TENM3: variants seen among roughly 807,000 people sequenced by gnomAD.
TENM3 encodes the protein teneurin transmembrane protein 3.
Under a neutral mutation model 255.1 loss-of-function variants are expected in TENM3, and 63 were observed. The ratio of observed to expected loss-of-function variants is 0.25; its 90% CI spans 0.20 to 0.30. TENM3 has a LOEUF of 0.30. Ranked by LOEUF, TENM3 falls within the 10% of genes least tolerant of loss-of-function variation. The pLI is 1.00. For missense variants in TENM3, 2,929 were observed against 3,461.1 expected (o/e 0.85, Z 3.86); for synonymous variants, 1,306 against 1,322.3 (o/e 0.99, Z 0.27).
the TENM3 span, among the ~76,000 whole-genome samples, chr4:181,625,761 C>T: frequency 6.6e-6 from 1 of 151,850 alleles, no homozygotes; most frequent in East Asian, 1.9e-4. Context: ...TTGCAGTGAG[C>T]CGAGATGGTG....
At chr4:181,690,795 G>A in the TENM3 span, among the ~76,000 whole-genome samples, 10 of 152,212 alleles carry the variant, frequency 6.6e-5, no homozygotes, top group South Asian at 4.2e-4. Context: ...GACAGTTATA[G>A]GTATAAATGA....
At chr4:181,914,859 C>T in the TENM3 span, among the ~76,000 whole-genome samples, 5 of 152,186 alleles carry the variant, frequency 3.3e-5, no homozygotes, top group African/African-American at 1.2e-4. Context: ...AGTGAATTGA[C>T]AGTCATTGAG....
In TENM3 at chr4:182,275,088, G is replaced by A. The variant is rs141308471; in HGVS notation, c.-76+31612G>A. On this transcript the variant is annotated intron_variant, in intron 1 of 27. Transcript: ENST00000511685. ...GATCCACCTGTCTTGGCCTCCCAGC[G>A]TGCTGGGATTATAGGCTTGAGCCAC... 8.5e-5 allele frequency among the ~76,000 whole-genome samples: 13 copies of A among 152,256 alleles called. No individual in the cohort carries two copies. In the East Asian group the frequency reaches 1.2e-3, roughly 14 times the overall value.
intron 1 of TENM3, among the ~76,000 whole-genome samples, chr4:182,285,870 GC>G (rs1215791251): frequency 1.3e-5 from 2 of 152,026 alleles, no homozygotes; most frequent in African/African-American, 4.8e-5. Flanking sequence ...AAAAAAATAA[GC>G]CTTTAAACAA....
the TENM3 span, among the ~76,000 whole-genome samples, chr4:182,021,935 G>A: frequency 6.6e-6 from 1 of 152,120 alleles, no homozygotes. Context: ...CTTATACATT[G>A]TTAGTGGAAA....
At chr4:181,879,319 G>A in the TENM3 span, among the ~76,000 whole-genome samples, 1 of 152,060 alleles carries the variant, frequency 6.6e-6, no homozygotes, top group Non-Finnish European at 1.5e-5. Context: ...AGGGAGGAAG[G>A]AAGGAAGATG....
At chr4:182,220,402 A>AAAAAAG (rs1755781578) in intron 1 of TENM3, among the ~76,000 whole-genome samples, 1 of 146,432 alleles carries the variant, frequency 6.8e-6, no homozygotes, top group Non-Finnish European at 1.5e-5. Context: ...AAAAAAAAAA[A>AAAAAAG]GTCGGCTTGA....
chr4:182,525,289 A>G (rs1327872194), intron 3 of TENM3, among the ~76,000 whole-genome samples: 1 of 152,240 alleles, frequency 6.6e-6, no homozygotes, highest in Admixed American at 6.5e-5. Flanking sequence ...TAAAAATTAA[A>G]AACAAAAACA....
chr4:182,250,851 TGA>T (rs1757965223), intron 1 of TENM3, among the ~76,000 whole-genome samples: 1 of 152,262 alleles, frequency 6.6e-6, no homozygotes, highest in African/African-American at 2.4e-5. Flanking sequence ...AATGGTGAAT[TGA>T]TAAGGTCTCC....
the TENM3 span, among the ~76,000 whole-genome samples, chr4:181,702,474 A>G: frequency 1.4e-4 from 21 of 152,226 alleles, no homozygotes; most frequent in African/African-American, 4.3e-4. Context: ...AAACAAAAGC[A>G]TGGTACTTAG....
At chr4:182,419,629 A>AG (rs1770655704) in intron 3 of TENM3, among the ~76,000 whole-genome samples, 1 of 152,230 alleles carries the variant, frequency 6.6e-6, no homozygotes, top group South Asian at 2.1e-4. Flanking sequence ...CCAAATGTCT[A>AG]TCAATGATAG....
chr4:182,434,594 C>A (rs756120063), intron 3 of TENM3, among the ~76,000 whole-genome samples: 6 of 150,172 alleles, frequency 4.0e-5, no homozygotes, highest in Non-Finnish European at 8.8e-5. Context: ...ACCCAGGAGG[C>A]AGAAGTTGCA....
At chr4:182,062,500 G>T in the TENM3 span, among the ~76,000 whole-genome samples, 2 of 152,074 alleles carry the variant, frequency 1.3e-5, no homozygotes, top group Non-Finnish European at 2.9e-5. Context: ...ATCTATGCAT[G>T]GTATTACTTT....
At chr4:182,282,779 G>T (rs1760470305) in intron 1 of TENM3, among the ~76,000 whole-genome samples, 1 of 151,410 alleles carries the variant, frequency 6.6e-6, no homozygotes, top group South Asian at 2.1e-4. Context: ...TGTAATCCCA[G>T]CTACTTGGGA....
At chr4:182,755,957 G>A (rs1432562666) in intron 22 of TENM3, among the ~76,000 whole-genome samples, 1 of 152,196 alleles carries the variant, frequency 6.6e-6, no homozygotes, top group Admixed American at 6.5e-5. Flanking sequence ...TTAAGTTTCA[G>A]TTGGCTTCAT....
At chr4:182,079,583 C>T in the TENM3 span, 19 of 152,202 alleles carry the variant, frequency 1.2e-4, no homozygotes, top group African/African-American at 4.1e-4. Flanking sequence ...GATTTGTGGA[C>T]ATTGATGTTT....
At chr4:182,744,120 T>TTTTAAAA in intron 19 of TENM3, 1 of 630,892 alleles carries the variant, frequency 1.6e-6, no homozygotes, top group Non-Finnish European at 2.0e-6. Flanking sequence ...TTTTTTTACC[T>TTTTAAAA]TTTTTTATCT....
intron 3 of TENM3, among the ~76,000 whole-genome samples, chr4:182,530,316 G>A (rs1428808497): frequency 6.6e-6 from 1 of 152,152 alleles, no homozygotes; most frequent in Non-Finnish European, 1.5e-5. Context: ...TCGAAACACT[G>A]CAGATTTTAG....
chr4:181,777,414 A>G, the TENM3 span, among the ~76,000 whole-genome samples: 1 of 152,048 alleles, frequency 6.6e-6, no homozygotes, highest in African/African-American at 2.4e-5. Flanking sequence ...TTCCATACAA[A>G]TTTTAGGATT....
Sources: gnomAD v4.1 joint callset for allele counts (sites outside exome capture counted in the v4.1 genomes callset) on GRCh38, gnomAD v4.1.1 for gene constraint, MANE v1.5 for transcripts, NCBI Gene and HGNC (gene_info 2026-07-23, HGNC 2026-07-21) for gene names.